Variants in ECHDC1 observed in about 807,000 individuals in gnomAD.
ECHDC1 encodes the protein ethylmalonyl-CoA decarboxylase 1.
ECHDC1 carries 29 observed loss-of-function variants against 29.7 expected under a neutral mutation model. The observed-to-expected ratio is 0.98, with a 90% CI of 0.73 to 1.33. The LOEUF is 1.33. Among genes scored for constraint, ECHDC1 ranks in the 40% most tolerant of loss-of-function variants. The pLI is 0.00. For missense variants in ECHDC1, 328 were observed against 350.0 expected, an observed-to-expected ratio of 0.94 and a Z score of 0.50; for synonymous variants, 126 against 123.1, an observed-to-expected ratio of 1.02 and a Z score of -0.15.
Position 127,290,259 on chromosome 6 carries a change from ACT to A in ECHDC1, c.514_515del (p.Ser172Ter). ...TCTCTTTGTGGACGAATCTGATCTT[ACT>A]CTCTGGAGTCATTAACCTGTAAAAG... ...ACDFRLMTPE[S>X]KIRFVHKEMG... On this transcript the variant is annotated frameshift_variant, in exon 6 of 6. Transcript: ENST00000454859. LOFTEE classifies it high-confidence loss of function. The A allele has an allele frequency of 6.2e-7, 1 of 1,612,988 alleles. No individual in the cohort carries two copies.
At chr6:127,338,311 A>G (rs1784612984) in intron 1 of ECHDC1, among the ~76,000 whole-genome samples, 1 of 152,186 alleles carries the variant, frequency 6.6e-6, no homozygotes, top group African/African-American at 2.4e-5. Context: ...TGCACACATA[A>G]AGCAAAAATA....
At chr6:127,328,946 A>G (rs905968492) in intron 2 of ECHDC1, among the ~76,000 whole-genome samples, 3 of 152,002 alleles carry the variant, frequency 2.0e-5, no homozygotes, top group Non-Finnish European at 4.4e-5. Flanking sequence ...AGAATGGCGT[A>G]AACCCGGGAG....
chr6:127,293,721 T>C (rs1363108182), intron 5 of ECHDC1, among the ~76,000 whole-genome samples: 1 of 152,228 alleles, frequency 6.6e-6, no homozygotes, highest in Non-Finnish European at 1.5e-5. Flanking sequence ...GTATATATTT[T>C]GTAGTCTGAT....
chr6:127,301,808 T>G (rs1046914741), intron 5 of ECHDC1, among the ~76,000 whole-genome samples: 1 of 152,224 alleles, frequency 6.6e-6, no homozygotes, highest in Non-Finnish European at 1.5e-5. Context: ...AACTTTCTAA[T>G]CGATTGCAGA....
intron 5 of ECHDC1, among the ~76,000 whole-genome samples, chr6:127,295,045 T>C (rs952676953): frequency 6.6e-6 from 1 of 151,514 alleles, no homozygotes; most frequent in Non-Finnish European, 1.5e-5. Flanking sequence ...GCCTCCTGGG[T>C]TCAAGTGATT....
At chr6:127,317,743 G>A (rs544251654) in intron 3 of ECHDC1, 1 of 151,338 alleles carries the variant, frequency 6.6e-6, no homozygotes, top group South Asian at 2.1e-4. Context: ...CCCACACTCA[G>A]TTAGTTACCA....
At chr6:127,316,398 A>C in intron 4 of ECHDC1, 52 bp downstream of exon 4, 1 of 1,446,426 alleles carries the variant, frequency 6.9e-7, no homozygotes, top group South Asian at 1.2e-5. Flanking sequence ...GAATAGCAAA[A>C]AGCTATTTTT....
rs1458193483 is a variant in ECHDC1, at chr6:127,330,965, C to T, written c.64G>A (p.Gly22Arg). The T allele has an allele frequency of 1.2e-6, 2 of 1,613,846 alleles. No homozygotes were observed. The highest frequency in any genetic ancestry group is 8.5e-7 in the Non-Finnish European group (1 of 1,180,024). The stretch of plus-strand genomic sequence containing the variant: ...TGGGATGTACTATAAAGTGACAATC[C>T]TGTTTGATGTAGCAATTTTGTCCTT... ...SGRTKLLHQT[G>R]LSLYSTSHGF... The change falls in exon 2 of 6, where the codon GGA becomes AGA. Residue 22 changes from glycine (G) to arginine (R), a missense_variant. Transcript: ENST00000454859.
chr6:127,306,553 TTC>T (rs1295412372), intron 5 of ECHDC1, among the ~76,000 whole-genome samples: 1 of 152,174 alleles, frequency 6.6e-6, no homozygotes, highest in Non-Finnish European at 1.5e-5. Context: ...CCTTCCCCTT[TTC>T]TCTCTTTCTC....
At chr6:127,329,448 T>C (rs1335808944) in intron 2 of ECHDC1, among the ~76,000 whole-genome samples, 1 of 152,214 alleles carries the variant, frequency 6.6e-6, no homozygotes, top group Non-Finnish European at 1.5e-5. Context: ...TTTAACCTTC[T>C]AGAGAAATTT....
intron 5 of ECHDC1, among the ~76,000 whole-genome samples, chr6:127,301,374 T>A (rs566038118): frequency 2.0e-5 from 3 of 152,282 alleles, no homozygotes; most frequent in African/African-American, 7.2e-5. Context: ...TGGATGAAAA[T>A]GTCAGTTGAG....
Position 127,290,266 on chromosome 6 carries a change from G to A in ECHDC1, c.509C>T (p.Pro170Leu). The change falls in exon 6 of 6, where the codon CCA (proline) becomes CTA (leucine). Residue 170 changes from proline to leucine, a missense_variant. Transcript: ENST00000454859. ...GTGGACGAATCTGATCTTACTCTCT[G>A]GAGTCATTAACCTGTAAAAGAAAAA... ...TTACDFRLMT[P>L]ESKIRFVHKE... is the part of the protein sequence containing the mutation. 1 of 1,612,012 alleles carries A rather than the reference G, an allele frequency of 6.2e-7. No individual in the cohort carries two copies. The highest frequency in any genetic ancestry group is 8.5e-7 in the Non-Finnish European group (1 of 1,179,018).
chr6:127,324,585 T>C (rs2057754087), intron 3 of ECHDC1, among the ~76,000 whole-genome samples: 1 of 152,174 alleles, frequency 6.6e-6, no homozygotes, highest in Non-Finnish European at 1.5e-5. Flanking sequence ...CACCATCCTC[T>C]ACCATTTTCC....
At chr6:127,315,829 A>G (rs1782320636) in intron 4 of ECHDC1, 1 of 413,518 alleles carries the variant, frequency 2.4e-6, no homozygotes, top group East Asian at 7.1e-5. Context: ...CCTTGCTTAA[A>G]TAAGAATTTC....
rs772315663 is a variant in ECHDC1 at position 127,289,997 on chromosome 6, A to AT, written c.777dup (p.Ser260IlefsTer36). ...TATAGCTCTCTGCCTGAACAAACAGATTTTTTCAAAGCTCTAATTACTTCC... is the reference window on the plus strand; with the variant it reads ...TATAGCTCTCTGCCTGAACAAACAGATTTTTTTCAAAGCTCTAATTACTTCC... On this transcript the variant is annotated frameshift_variant, in exon 6 of 6. Coordinates refer to ENST00000454859, the MANE Select transcript of ECHDC1 (RefSeq NM_001002030.2). LOFTEE classifies it high-confidence loss of function. 28 of 1,613,526 alleles carry AT rather than the reference A, an allele frequency of 1.7e-5. No homozygotes were observed. The South Asian group carries it at 2.5e-4, about 15-fold the overall frequency.
chr6:127,317,558 T>A (rs985962111), intron 3 of ECHDC1, among the ~76,000 whole-genome samples: 1 of 152,062 alleles, frequency 6.6e-6, no homozygotes, highest in Non-Finnish European at 1.5e-5. Flanking sequence ...TTAAAAAAAA[T>A]TGCACTATTT....
At chr6:127,333,412 G>C (rs1479419685) in intron 1 of ECHDC1, among the ~76,000 whole-genome samples, 1 of 151,936 alleles carries the variant, frequency 6.6e-6, no homozygotes, top group South Asian at 2.1e-4. Context: ...AATCTTAATA[G>C]ACATTTGGAT....
At position 127,289,631 on chromosome 6, in the gene ECHDC1, A is replaced by AT; in HGVS notation, c.*237dup. ...ATTATTATTGGAATTGACAGCAATA[A>AT]TTTTTAAGCCAAAAGTGTATATTTT... On this transcript the variant is annotated 3_prime_UTR_variant, in exon 6 of 6. Coordinates refer to ENST00000454859, the MANE Select transcript of ECHDC1 (RefSeq NM_001002030.2). 2.4e-6 allele frequency: 1 copy of AT among 419,210 alleles called. No individual in the cohort carries two copies. Among genetic ancestry groups the AT allele is most frequent in the East Asian group, 3.7e-5 (1 of 27,130 alleles). 26.0% of individuals were successfully genotyped at this position (419,210 alleles called of 1,614,324 possible). A position where few individuals can be genotyped will look rare whatever the true frequency, so the allele number is the denominator to read the frequency against.
At chr6:127,317,039 G>A (rs1782446304) in intron 3 of ECHDC1, among the ~76,000 whole-genome samples, 1 of 151,844 alleles carries the variant, frequency 6.6e-6, no homozygotes, top group African/African-American at 2.4e-5. Flanking sequence ...CTGGCCCTCT[G>A]CCTTATCCCA....
Sources: allele counts gnomAD v4.1 joint callset (sites outside exome capture counted in the v4.1 genomes callset), GRCh38; gene constraint gnomAD v4.1.1; transcripts MANE v1.5; gene names NCBI Gene and HGNC (gene_info 2026-07-23, HGNC 2026-07-21).